The following VPS53 variants were observed in gnomAD, a reference collection of about 807,000 sequenced individuals.
VPS53 encodes vacuolar protein sorting-associated protein 53 homolog.
Under a neutral mutation model 107.0 loss-of-function variants are expected in VPS53, and 70 were observed. The observed-to-expected ratio is 0.65, with a 90% CI of 0.54 to 0.80. The LOEUF (loss-of-function observed/expected upper bound fraction) is 0.80, where lower values mean the gene tolerates loss of function less well. Ranked by LOEUF, VPS53 falls within the 30% of genes least tolerant of loss-of-function variation. The pLI is 0.00. For missense variants in VPS53, 917 were observed against 1,049.4 expected (o/e 0.87, Z 1.74); for synonymous variants, 409 against 393.3 (o/e 1.04, Z -0.47).
intron 9 of VPS53, among the ~76,000 whole-genome samples, chr17:627,865 A>G (rs1162718947): frequency 6.6e-6 from 1 of 152,176 alleles, no homozygotes; most frequent in Non-Finnish European, 1.5e-5. Flanking sequence ...TCCAGAAACT[A>G]TATGCAGAAT....
chr17:541,928 C>T (rs373449502), intron 17 of VPS53, among the ~76,000 whole-genome samples: 29 of 112,190 alleles, frequency 2.6e-4, no homozygotes, highest in Middle Eastern at 7.9e-3. Flanking sequence ...ACTGAAGGAA[C>T]GTTTATCAAG....
intron 15 of VPS53, among the ~76,000 whole-genome samples, chr17:560,127 T>C (rs889214779): frequency 6.6e-6 from 1 of 152,252 alleles, no homozygotes; most frequent in African/African-American, 2.4e-5. Flanking sequence ...TTTTCTCATA[T>C]GGGTTGGAGT....
chr17:524,769 C>T lies in VPS53; in HGVS notation c.2086-3031G>A, dbSNP rs189139751. 1.6e-4 allele frequency among the ~76,000 whole-genome samples: 25 copies of T among 152,112 alleles called. No individual in the cohort carries two copies. The highest frequency in any genetic ancestry group is 1.5e-3 in the East Asian group (8 of 5,176). ...GGCACTGAAATTCACAAATGTACAC[C>T]GTAATACACCCATCAGAGTCAGAAG... On this transcript the variant is annotated intron_variant, in intron 19 of 21. Coordinates refer to ENST00000437048, the MANE Select transcript of VPS53 (RefSeq NM_001128159.3). This position sits in a 1 kb window ranked among gnomAD's most constrained non-coding sequence, Gnocchi z 4.5.
chr17:564,822 C>T (rs1361634751), intron 13 of VPS53, among the ~76,000 whole-genome samples: 1 of 152,186 alleles, frequency 6.6e-6, no homozygotes, highest in Non-Finnish European at 1.5e-5. Flanking sequence ...CCCATTCAAA[C>T]ATCCCTGTAA....
intron 4 of VPS53, among the ~76,000 whole-genome samples, chr17:662,837 GGA>G (rs1971516799): frequency 7.3e-5 from 2 of 27,238 alleles, no homozygotes; most frequent in Non-Finnish European, 2.0e-4. Context: ...GAGAAAGAAA[GGA>G]AGGAAGGAAG....
chr17:626,150 T>C (rs1202274560), intron 10 of VPS53, among the ~76,000 whole-genome samples: 4 of 151,540 alleles, frequency 2.6e-5, no homozygotes, highest in Non-Finnish European at 5.9e-5. Flanking sequence ...TCAAGGCTGC[T>C]GTGAGCCATG....
chr17:552,352 TCG>T (rs1911906834), intron 16 of VPS53, among the ~76,000 whole-genome samples: 1 of 151,946 alleles, frequency 6.6e-6, no homozygotes, highest in Non-Finnish European at 1.5e-5. Flanking sequence ...TTTTGATTCT[TCG>T]TCAATAAGTG....
intron 11 of VPS53, among the ~76,000 whole-genome samples, chr17:602,758 T>C (rs1038286000): frequency 2.6e-5 from 4 of 152,168 alleles, no homozygotes; most frequent in African/African-American, 9.7e-5. Context: ...CACACAAGGG[T>C]CACTGATGAC....
intron 13 of VPS53, among the ~76,000 whole-genome samples, chr17:577,880 T>G (rs1283483688): frequency 6.6e-6 from 1 of 151,394 alleles, no homozygotes; most frequent in Admixed American, 6.6e-5. Context: ...CAGGACCTAA[T>G]GTGGTCCCAG....
At chr17:614,858 G>A (rs1490825421) in intron 11 of VPS53, among the ~76,000 whole-genome samples, 3 of 152,134 alleles carry the variant, frequency 2.0e-5, no homozygotes, top group South Asian at 2.1e-4. Flanking sequence ...GGACAAGTCT[G>A]TTTCAAAAGG....
rs1967266816 is a variant in VPS53, at chr17:585,563, G to A, written c.1313+707C>T. 2.0e-5 allele frequency among the ~76,000 whole-genome samples: 3 copies of A among 152,222 alleles called. No individual in the cohort carries two copies. In the South Asian group the frequency reaches 6.2e-4, roughly 32 times the overall value. On this transcript the variant is annotated intron_variant, in intron 13 of 21. Coordinates refer to ENST00000437048, the MANE Select transcript of VPS53 (RefSeq NM_001128159.3). ...AGACTGCAGTGGGAGGATTGCTTGAGCCCAGGAGATGGAGGATGCAGTAAG... is the reference window on the plus strand; with the variant it reads ...AGACTGCAGTGGGAGGATTGCTTGAACCCAGGAGATGGAGGATGCAGTAAG...
intron 4 of VPS53, among the ~76,000 whole-genome samples, chr17:666,385 T>C (rs777163765): frequency 6.6e-5 from 10 of 152,168 alleles, no homozygotes; most frequent in Non-Finnish European, 4.4e-5. Flanking sequence ...TGTAAGAGGC[T>C]GGGCGCAGTG....
At position 521,641 on chromosome 17, in the gene VPS53, A is replaced by G; in HGVS notation, c.2183T>C (p.Ile728Thr). The G allele has an allele frequency of 6.4e-7, 1 of 1,551,354 alleles. No homozygotes were observed. The highest frequency in any genetic ancestry group is 8.7e-7 in the Non-Finnish European group (1 of 1,146,558). The change falls in exon 20 of 22, where the codon ATC becomes ACC. Residue 728 changes from isoleucine (I) to threonine (T), a missense_variant. Transcript: ENST00000437048. ...VRKAPASYTK[I>T]VVKGMTRAEM... is the part of the protein sequence containing the mutation. ...AGCCCGGGTCATGCCTTTGACAACG[A>G]TCTTGGTGTAGCTGGCGGGTGCCTT...
rs930910197 is a variant in VPS53 at position 655,686 on chromosome 17, C to T, written c.488+152G>A. The stretch of plus-strand genomic sequence containing the variant: ...GTTCTGAACACCAGAGGGCACAAAG[C>T]AAAAATGGTGACTGAACACTTGAAG... On this transcript the variant is annotated intron_variant, in intron 6 of 21. Coordinates refer to ENST00000437048, the MANE Select transcript of VPS53 (RefSeq NM_001128159.3). 53 of 675,194 alleles carry T rather than the reference C, an allele frequency of 7.8e-5. 1 individual carries two copies. The highest frequency in any genetic ancestry group is 2.6e-4 in the Middle Eastern group (1 of 3,778). 41.8% of individuals were successfully genotyped at this position (675,194 alleles called of 1,614,324 possible).
At position 586,299 on chromosome 17, in the gene VPS53, A is replaced by G; in HGVS notation, c.1284T>C (p.His428=). The G allele has an allele frequency of 6.2e-7, 1 of 1,614,122 alleles. No individual in the cohort carries two copies. The highest frequency in any genetic ancestry group is 8.5e-7 in the Non-Finnish European group (1 of 1,179,976). The change falls in exon 13 of 22, where the codon CAT becomes CAC. Residue 428 remains histidine (H), a synonymous_variant. Coordinates refer to ENST00000437048, the MANE Select transcript of VPS53 (RefSeq NM_001128159.3). ...CTTGGGATTCGATATACACGTAGAGATGAGGCTCAAAACACTTGGAAACAA... is the reference window on the plus strand; with the variant it reads ...CTTGGGATTCGATATACACGTAGAGGTGAGGCTCAAAACACTTGGAAACAA... ...HGIVSKCFEP[H]LYVYIESQDK...
chr17:595,730 G>C (rs71355280), intron 12 of VPS53, among the ~76,000 whole-genome samples: 179 of 123,640 alleles, frequency 1.4e-3, no homozygotes, highest in Middle Eastern at 9.7e-3. Flanking sequence ...TCAATTTCCT[G>C]GTTTGATGAT....
chr17:690,057 G>A (rs1972726525), intron 4 of VPS53, among the ~76,000 whole-genome samples: 1 of 152,150 alleles, frequency 6.6e-6, no homozygotes, highest in Non-Finnish European at 1.5e-5. Flanking sequence ...AGAACAGGAA[G>A]CCTCTGACGG....
chr17:572,344 C>A (rs902075080), intron 13 of VPS53, among the ~76,000 whole-genome samples: 1 of 150,832 alleles, frequency 6.6e-6, no homozygotes, highest in African/African-American at 2.4e-5. Flanking sequence ...CCCCTCCGCC[C>A]GGCAGCCGCC....
Position 695,422 on chromosome 17 carries a change from G to T in VPS53, c.285+1996C>A, listed in dbSNP as rs955400846. ...GGAAAAGCATTTCAAGCACAAAAGA[G>T]TCTGTAAGCACAGGTCCAGAAAGCA... On this transcript the variant is annotated intron_variant, in intron 4 of 21. Coordinates refer to ENST00000437048, the MANE Select transcript of VPS53 (RefSeq NM_001128159.3). Among the ~76,000 whole-genome samples, 4 of 152,316 alleles carry T rather than the reference G, an allele frequency of 2.6e-5. No homozygotes were observed. The South Asian group carries it at 8.3e-4, about 32-fold the overall frequency.
Sources: allele counts gnomAD v4.1 joint callset (sites outside exome capture counted in the v4.1 genomes callset), GRCh38; gene constraint gnomAD v4.1.1; non-coding constraint Gnocchi (gnomAD v3.1); transcripts MANE v1.5; gene names NCBI Gene and HGNC (gene_info 2026-07-23, HGNC 2026-07-21).